TIAM1: variants seen among roughly 807,000 people sequenced by gnomAD.
The protein encoded by TIAM1 is TIAM Rac1 associated GEF 1.
TIAM1 carries 65 observed loss-of-function variants against 163.5 expected under a neutral mutation model. That is an observed-to-expected ratio of 0.40 (90% CI 0.33 to 0.49). TIAM1 has a LOEUF of 0.49. Ranked by LOEUF, TIAM1 falls within the 20% of genes least tolerant of loss-of-function variation. The pLI is 0.77. For missense variants in TIAM1, 1,789 were observed against 2,044.7 expected (o/e 0.87, Z 2.41); for synonymous variants, 833 against 810.1 (o/e 1.03, Z -0.48).
intron 1 of TIAM1, among the ~76,000 whole-genome samples, chr21:31,557,254 C>A (rs1569432656): frequency 6.6e-6 from 1 of 152,150 alleles, no homozygotes; most frequent in Non-Finnish European, 1.5e-5. Flanking sequence ...GAACAGCAGT[C>A]CTTCATGCCT....
chr21:31,516,422 A>C (rs775230566), intron 1 of TIAM1, among the ~76,000 whole-genome samples: 8 of 152,212 alleles, frequency 5.3e-5, no homozygotes, highest in Non-Finnish European at 1.2e-4. Context: ...AAAACAATAA[A>C]TAAAATTAAA....
intron 22 of TIAM1, among the ~76,000 whole-genome samples, chr21:31,136,643 G>T (rs1417809113): frequency 9.9e-5 from 15 of 152,092 alleles, no homozygotes; most frequent in Admixed American, 9.8e-4. Context: ...TTCAGAAAAG[G>T]ATGGCAAATA....
intron 2 of TIAM1, among the ~76,000 whole-genome samples, chr21:31,386,960 C>T (rs184334605): frequency 0.014 from 2,065 of 152,196 alleles, 24 homozygotes; most frequent in Middle Eastern, 0.037. Flanking sequence ...TTATCTGCTC[C>T]GGCATGGCCC....
intron 2 of TIAM1, among the ~76,000 whole-genome samples, chr21:31,446,267 A>T (rs2044621302): frequency 6.6e-6 from 1 of 152,112 alleles, no homozygotes; most frequent in East Asian, 1.9e-4. Context: ...AACTTACCCT[A>T]CCATTGGCTG....
At chr21:31,543,231 C>T (rs2123282729) in intron 1 of TIAM1, among the ~76,000 whole-genome samples, 1 of 152,294 alleles carries the variant, frequency 6.6e-6, no homozygotes, top group African/African-American at 2.4e-5. Flanking sequence ...AGGGAAGTTG[C>T]CCTCTCTGAT....
intron 6 of TIAM1, among the ~76,000 whole-genome samples, chr21:31,242,284 C>T (rs1163083281): frequency 6.6e-6 from 1 of 152,098 alleles, no homozygotes; most frequent in African/African-American, 2.4e-5. Context: ...CTTTAGGAGG[C>T]TGAGGCAGGA....
Position 31,279,649 on chromosome 21 carries a change from G to A in TIAM1, c.-188-2741C>T, listed in dbSNP as rs116788726. Reference sequence around the variant, plus strand: ...GGGATGATAAGATTCCTAAATCATTGGGTTGTCATGAGCATTAAATGAGAT... The same window carrying A: ...GGGATGATAAGATTCCTAAATCATTAGGTTGTCATGAGCATTAAATGAGAT... On this transcript the variant is annotated intron_variant, in intron 2 of 27. Transcript: ENST00000541036. Among the ~76,000 whole-genome samples, 1,047 of 152,208 alleles carry A rather than the reference G, an allele frequency of 6.9e-3. 12 individuals carry two copies. Among genetic ancestry groups the A allele is most frequent in the African/African-American group, 0.024 (996 of 41,516 alleles).
chr21:31,215,260 A>G (rs546703787), intron 9 of TIAM1, among the ~76,000 whole-genome samples: 1 of 152,250 alleles, frequency 6.6e-6, no homozygotes, highest in African/African-American at 2.4e-5. Flanking sequence ...TCAGGGCAGA[A>G]GACACATACA....
intron 1 of TIAM1, among the ~76,000 whole-genome samples, chr21:31,518,192 A>G (rs1397348029): frequency 2.0e-5 from 3 of 152,192 alleles, no homozygotes; most frequent in African/African-American, 7.2e-5. Flanking sequence ...GTATGAGCAT[A>G]GCCCTGCCAA....
chr21:31,467,182 ATT>A (rs1301345338), intron 1 of TIAM1, among the ~76,000 whole-genome samples: 11 of 152,320 alleles, frequency 7.2e-5, no homozygotes, highest in Non-Finnish European at 1.6e-4. Flanking sequence ...TCTTTTAAAG[ATT>A]AAGTGGGCGT....
chr21:31,241,285 A>G (rs568197877), intron 6 of TIAM1, among the ~76,000 whole-genome samples: 6 of 152,328 alleles, frequency 3.9e-5, no homozygotes, highest in South Asian at 2.1e-4. Context: ...GATAGTCCCA[A>G]GAAGTTCCTA....
intron 2 of TIAM1, among the ~76,000 whole-genome samples, chr21:31,425,106 T>C (rs1187112991): frequency 6.6e-6 from 1 of 151,956 alleles, no homozygotes; most frequent in Admixed American, 6.6e-5. Context: ...GTGAATTTTA[T>C]ATTATTTTAC....
At chr21:31,400,791 C>G (rs764936869) in intron 2 of TIAM1, among the ~76,000 whole-genome samples, 1 of 152,108 alleles carries the variant, frequency 6.6e-6, no homozygotes, top group African/African-American at 2.4e-5. Flanking sequence ...AAGTCCTTGA[C>G]TATTAAAGTG....
intron 2 of TIAM1, among the ~76,000 whole-genome samples, chr21:31,446,560 G>A (rs1431803168): frequency 6.6e-6 from 1 of 152,174 alleles, no homozygotes; most frequent in Non-Finnish European, 1.5e-5. Context: ...CTGAGAGAAG[G>A]CCAGGGAGAG....
At chr21:31,489,894 C>A (rs2046410058) in intron 1 of TIAM1, among the ~76,000 whole-genome samples, 1 of 152,150 alleles carries the variant, frequency 6.6e-6, no homozygotes, top group South Asian at 2.1e-4. Flanking sequence ...GTTTCCGGAT[C>A]ATTACAATTG....
intron 6 of TIAM1, among the ~76,000 whole-genome samples, chr21:31,240,138 C>T (rs1170177156): frequency 6.6e-6 from 1 of 152,076 alleles, no homozygotes; most frequent in Admixed American, 6.5e-5. Flanking sequence ...CTCGCTTATA[C>T]CTGGTATACT....
rs1471796436 is a variant in TIAM1 at position 31,266,743 on chromosome 21, G to C, written c.230C>G (p.Ser77Cys). ...SLAENGLEPFSQDGTLEDFGS... is the reference protein window; with the variant it reads ...SLAENGLEPFCQDGTLEDFGS... ...GAAGTCTTCTAGGGTACCATCTTGG[G>C]AGAAGGGCTCCAGGCCATTTTCAGC... Residue 77 changes from serine (S) to cysteine (C), a missense_variant, in exon 4 of 28, where the codon TCC (serine) becomes TGC (cysteine). By Grantham distance (112) the Ser-to-Cys change is moderately radical. Transcript: ENST00000541036. 6.2e-7 allele frequency: 1 copy of C among 1,614,214 alleles called. No homozygotes were observed. The highest frequency in any genetic ancestry group is 1.1e-5 in the South Asian group (1 of 91,084).
chr21:31,213,198 A>AG (rs922044166), intron 10 of TIAM1, 200 bp downstream of exon 10: 1 of 505,144 alleles, frequency 2.0e-6, no homozygotes, highest in African/African-American at 2.0e-5. Context: ...TGTCAGCAGG[A>AG]GAATGTTCCC....
At chr21:31,413,264 CTTTTTTTTTTTTTT>C (rs397866519) in intron 2 of TIAM1, among the ~76,000 whole-genome samples, 79 of 87,860 alleles carry the variant, frequency 9.0e-4, no homozygotes, top group Middle Eastern at 0.011. Context: ...CTTTTCTTTT[CTTTTTTTTTTTTTT>C]TTTTTTTTTG....
Sources: gnomAD v4.1 joint callset for allele counts (sites outside exome capture counted in the v4.1 genomes callset) on GRCh38, gnomAD v4.1.1 for gene constraint, MANE v1.5 for transcripts, NCBI Gene and HGNC (gene_info 2026-07-23, HGNC 2026-07-21) for gene names.